LRRC4C: variants seen among roughly 807,000 people sequenced by gnomAD.
LRRC4C encodes the protein leucine-rich repeat-containing protein 4C.
LRRC4C carries 5 observed loss-of-function variants against 33.6 expected under a neutral mutation model. That is an observed-to-expected ratio of 0.15 (90% CI 0.08 to 0.31). The LOEUF (loss-of-function observed/expected upper bound fraction) is 0.31, where lower values mean the gene tolerates loss of function less well. LRRC4C is among the 10% of genes least tolerant of loss of function. The pLI is 1.00. For missense variants in LRRC4C, 560 were observed against 796.7 expected, an observed-to-expected ratio of 0.70 and a Z score of 3.58; for synonymous variants, 329 against 302.0, an observed-to-expected ratio of 1.09 and a Z score of -0.93.
intron 3 of LRRC4C, among the ~76,000 whole-genome samples, chr11:40,366,994 A>G (rs796703364): frequency 1.3e-5 from 2 of 152,122 alleles, no homozygotes; most frequent in African/African-American, 4.8e-5. Context: ...TTTCTGAGAC[A>G]TAGAGAAATG....
At chr11:40,509,397 T>C (rs758183129) in intron 3 of LRRC4C, among the ~76,000 whole-genome samples, 3 of 152,206 alleles carry the variant, frequency 2.0e-5, no homozygotes, top group Non-Finnish European at 4.4e-5. Flanking sequence ...TACATGATTC[T>C]CTTTTCCAAA....
chr11:41,268,516 T>C (rs117409742), intron 1 of LRRC4C, among the ~76,000 whole-genome samples: 12 of 152,294 alleles, frequency 7.9e-5, no homozygotes, highest in Non-Finnish European at 1.6e-4. Flanking sequence ...ACCAGACTCT[T>C]CATCTTGAAA....
chr11:41,074,325 T>C (rs1938943065), intron 1 of LRRC4C, among the ~76,000 whole-genome samples: 1 of 152,152 alleles, frequency 6.6e-6, no homozygotes, highest in African/African-American at 2.4e-5. Flanking sequence ...TAAAGAGAGA[T>C]CTTTCCACTT....
chr11:40,817,703 T>A (rs941325662), intron 2 of LRRC4C, among the ~76,000 whole-genome samples: 6 of 152,142 alleles, frequency 3.9e-5, no homozygotes, highest in African/African-American at 1.4e-4. Context: ...TATCTCTTCC[T>A]TACATTAAAA....
intron 4 of LRRC4C, among the ~76,000 whole-genome samples, chr11:40,252,590 T>C (rs1247929109): frequency 6.6e-6 from 1 of 152,172 alleles, no homozygotes; most frequent in African/African-American, 2.4e-5. Flanking sequence ...TTACTTTCAT[T>C]CAGGGTTTCT....
At chr11:40,396,249 A>G (rs934518051) in intron 3 of LRRC4C, among the ~76,000 whole-genome samples, 6 of 151,948 alleles carry the variant, frequency 3.9e-5, no homozygotes, top group African/African-American at 1.4e-4. Context: ...TTTTTTTCTT[A>G]TTGATTACTA....
intron 1 of LRRC4C, among the ~76,000 whole-genome samples, chr11:41,178,520 A>T (rs1377538881): frequency 6.6e-6 from 1 of 151,832 alleles, no homozygotes; most frequent in Non-Finnish European, 1.5e-5. Flanking sequence ...GGTCTGGCAA[A>T]TTTTTGTACT....
chr11:41,021,304 A>G (rs954446305), intron 1 of LRRC4C, among the ~76,000 whole-genome samples: 2 of 136,120 alleles, frequency 1.5e-5, no homozygotes, highest in South Asian at 4.9e-4. Context: ...AAAAAAAAAA[A>G]AGCTGATCCT....
chr11:40,212,158 ACC>A (rs1863648754), intron 5 of LRRC4C, among the ~76,000 whole-genome samples: 1 of 152,154 alleles, frequency 6.6e-6, no homozygotes, highest in Non-Finnish European at 1.5e-5. Flanking sequence ...AAATGTGGAA[ACC>A]ATGTTTCCAC....
intron 2 of LRRC4C, among the ~76,000 whole-genome samples, chr11:40,886,697 A>T (rs1297725992): frequency 2.0e-5 from 3 of 151,972 alleles, no homozygotes; most frequent in Non-Finnish European, 2.9e-5. Flanking sequence ...AACTTCTAAA[A>T]GTTAGAAAAA....
At chr11:40,655,830 A>T (rs890278292) in intron 2 of LRRC4C, among the ~76,000 whole-genome samples, 1 of 152,212 alleles carries the variant, frequency 6.6e-6, no homozygotes, top group Non-Finnish European at 1.5e-5. Flanking sequence ...ATTGACTCAC[A>T]GTTCTGCATG....
intron 1 of LRRC4C, among the ~76,000 whole-genome samples, chr11:41,257,576 C>T (rs1441514214): frequency 6.6e-6 from 1 of 152,032 alleles, no homozygotes; most frequent in African/African-American, 2.4e-5. Context: ...ATTTAGTGAA[C>T]ACTGGTTTAT....
In LRRC4C at chr11:40,121,935, T is replaced by C. The variant is rs145264608; in HGVS notation, c.-42-5601A>G. ...AACTGCTTACCCCTGGACCCTAAGA[T>C]TCCAAACCACACCTTACCATCTACA... is the stretch of plus-strand genomic sequence containing the variant. On this transcript the variant is annotated intron_variant, in intron 6 of 6. Coordinates refer to ENST00000528697, the MANE Select transcript of LRRC4C (RefSeq NM_001258419.2). Among the ~76,000 whole-genome samples, 794 of 152,258 alleles carry C rather than the reference T, an allele frequency of 5.2e-3. 6 individuals are homozygous for C. Among genetic ancestry groups the C allele is most frequent in the South Asian group, 0.017 (83 of 4,814 alleles).
intron 2 of LRRC4C, among the ~76,000 whole-genome samples, chr11:40,862,248 G>A (rs1289878246): frequency 6.6e-6 from 1 of 152,100 alleles, no homozygotes; most frequent in Admixed American, 6.6e-5. Context: ...ATAGAAGGTA[G>A]GTGTTTGAAG....
At chr11:41,372,168 A>G (rs2958839) in intron 1 of LRRC4C, among the ~76,000 whole-genome samples, 63,518 of 152,044 alleles carry the variant, frequency 0.42, 14,090 homozygotes, top group Non-Finnish European at 0.49. Context: ...AATAAAATAA[A>G]GAAATTGACC....
chr11:40,560,283 TAC>T (rs34488433), intron 3 of LRRC4C, among the ~76,000 whole-genome samples: 84,048 of 151,810 alleles, frequency 0.55, 23,754 homozygotes, highest in East Asian at 0.79. Flanking sequence ...GATGCTGATG[TAC>T]ACAGCACCAG....
intron 3 of LRRC4C, among the ~76,000 whole-genome samples, chr11:40,435,226 C>T (rs1951097129): frequency 6.6e-6 from 1 of 152,194 alleles, no homozygotes; most frequent in Admixed American, 6.5e-5. Context: ...AGCATATGCT[C>T]CTCACACTGT....
chr11:40,556,991 C>A (rs888286213), intron 3 of LRRC4C, among the ~76,000 whole-genome samples: 1 of 151,948 alleles, frequency 6.6e-6, no homozygotes, highest in African/African-American at 2.4e-5. Context: ...TTCTCCAATA[C>A]TCAGGTTTTT....
intron 1 of LRRC4C, among the ~76,000 whole-genome samples, chr11:41,418,446 T>TC: frequency 6.6e-6 from 1 of 152,090 alleles, no homozygotes; most frequent in Middle Eastern, 3.4e-3. Context: ...ACGGAGTCTC[T>TC]CACAACCTTC....
Sources: gnomAD v4.1 joint callset for allele counts (sites outside exome capture counted in the v4.1 genomes callset) on GRCh38, gnomAD v4.1.1 for gene constraint, MANE v1.5 for transcripts, NCBI Gene and HGNC (gene_info 2026-07-23, HGNC 2026-07-21) for gene names.